AGMO: variants seen among roughly 807,000 people sequenced by gnomAD.
AGMO encodes the protein glyceryl-ether monooxygenase.
Under a neutral mutation model 60.2 loss-of-function variants are expected in AGMO, and 75 were observed. The observed-to-expected ratio is 1.25, with a 90% CI of 1.03 to 1.51. The LOEUF is 1.51. Ranked by LOEUF, AGMO falls within the 40% of genes most tolerant of loss-of-function variation. The pLI, the probability that AGMO is intolerant of heterozygous loss-of-function variation, is 0.00. For synonymous variants in AGMO, 261 were observed against 177.1 expected (o/e 1.47, Z -3.76); for missense variants, 763 against 525.5 (o/e 1.45, Z -4.42).
At position 15,323,477 on chromosome 7, in the gene AGMO, T is replaced by C. The variant is rs1008648154; in HGVS notation, c.1263+42037A>G. On this transcript the variant is annotated intron_variant, in intron 12 of 12. Transcript: ENST00000342526. ...CAGTGTATACAATAAATATGTCATATGGAGATGGTAGGAGGGATATTGTCA... is the reference window on the plus strand; with the variant it reads ...CAGTGTATACAATAAATATGTCATACGGAGATGGTAGGAGGGATATTGTCA... 5.3e-5 allele frequency among the ~76,000 whole-genome samples: 8 copies of C among 152,252 alleles called. No individual in the cohort carries two copies. In the East Asian group the frequency reaches 5.8e-4, roughly 11 times the overall value.
intron 12 of AGMO, among the ~76,000 whole-genome samples, chr7:15,300,386 T>C (rs1387902139): frequency 1.3e-5 from 2 of 152,294 alleles, no homozygotes; most frequent in East Asian, 1.9e-4. Flanking sequence ...CATCAAAGCA[T>C]ATTCTTAGGC....
intron 6 of AGMO, 22 bp from the exon 7 acceptor site, chr7:15,390,927 AT>A (rs748945578): frequency 4.0e-5 from 60 of 1,487,664 alleles, no homozygotes; most frequent in Non-Finnish European, 4.5e-5. Flanking sequence ...AATATTAGAA[AT>A]TTTTTTTCAG....
rs552974101 is a variant in AGMO at position 15,527,606 on chromosome 7, A to G, written c.409+17166T>C. On this transcript the variant is annotated intron_variant, in intron 3 of 12. Transcript: ENST00000342526. ...TTACCCAGAAGATCTAGCTAAGACC[A>G]TTCAAGGTGGCTGCACTAAACAATA... Among the ~76,000 whole-genome samples the G allele has an allele frequency of 7.2e-5, 11 of 152,364 alleles. No individual in the cohort carries two copies. The South Asian group carries it at 2.3e-3, about 32-fold the overall frequency.
intron 3 of AGMO, among the ~76,000 whole-genome samples, chr7:15,481,789 A>ATTTTTTTT (rs5882513): frequency 4.1e-5 from 4 of 98,692 alleles, no homozygotes; most frequent in Admixed American, 1.1e-4. Flanking sequence ...GACTAAATGT[A>ATTTTTTTT]TTTTTTTTTT....
At chr7:15,316,882 C>T (rs1780942603) in intron 12 of AGMO, among the ~76,000 whole-genome samples, 1 of 152,072 alleles carries the variant, frequency 6.6e-6, no homozygotes. Flanking sequence ...GACGTCATAA[C>T]CCACTCTGCC....
chr7:15,321,801 G>C (rs1011820874), intron 12 of AGMO, among the ~76,000 whole-genome samples: 3 of 151,914 alleles, frequency 2.0e-5, no homozygotes, highest in African/African-American at 7.3e-5. Context: ...AATATGGCTA[G>C]ATTGATTATT....
chr7:15,313,615 G>A (rs1780830154), intron 12 of AGMO, among the ~76,000 whole-genome samples: 1 of 152,036 alleles, frequency 6.6e-6, no homozygotes, highest in Non-Finnish European at 1.5e-5. Flanking sequence ...AAAGGAGAGA[G>A]ATAAGAGGAG....
intron 3 of AGMO, among the ~76,000 whole-genome samples, chr7:15,529,054 G>A (rs1433307262): frequency 6.6e-6 from 1 of 152,074 alleles, no homozygotes; most frequent in East Asian, 1.9e-4. Context: ...AAACCTTGTG[G>A]ATAAACATTG....
the AGMO span, among the ~76,000 whole-genome samples, chr7:15,119,858 T>C: frequency 0.46 from 69,756 of 151,548 alleles, 16,193 homozygotes; most frequent in South Asian, 0.55. Flanking sequence ...CCATCACGTA[T>C]CTTCCAACCT....
chr7:15,532,130 G>T (rs1784384714), intron 3 of AGMO, among the ~76,000 whole-genome samples: 4 of 152,172 alleles, frequency 2.6e-5, no homozygotes, highest in Admixed American at 2.6e-4. Context: ...TCCTAGTGTA[G>T]GTTAATGCTT....
intron 12 of AGMO, among the ~76,000 whole-genome samples, chr7:15,218,499 G>T (rs73054570): frequency 0.011 from 1,726 of 151,886 alleles, 13 homozygotes; most frequent in Non-Finnish European, 0.019. Flanking sequence ...AAAAGAATGT[G>T]GTTGAAGGGA....
intron 12 of AGMO, among the ~76,000 whole-genome samples, chr7:15,280,317 C>T (rs1223333916): frequency 1.3e-5 from 2 of 152,154 alleles, no homozygotes; most frequent in South Asian, 2.1e-4. Flanking sequence ...GGGCTTACTG[C>T]TGCCTGCTTA....
At chr7:15,191,558 A>G in the AGMO span, among the ~76,000 whole-genome samples, 1 of 152,158 alleles carries the variant, frequency 6.6e-6, no homozygotes, top group Non-Finnish European at 1.5e-5. Context: ...TTTGTCAGAT[A>G]TTTTTTATGT....
At chr7:15,128,371 G>T in the AGMO span, among the ~76,000 whole-genome samples, 2 of 152,030 alleles carry the variant, frequency 1.3e-5, no homozygotes, top group African/African-American at 4.8e-5. Flanking sequence ...TACAATAGAA[G>T]ATATGCTGGG....
At chr7:15,228,676 C>G (rs1782161258) in intron 12 of AGMO, among the ~76,000 whole-genome samples, 1 of 152,090 alleles carries the variant, frequency 6.6e-6, no homozygotes, top group Admixed American at 6.6e-5. Context: ...TATAAATGAT[C>G]ACTTAAAAAA....
intron 8 of AGMO, among the ~76,000 whole-genome samples, chr7:15,388,425 A>G (rs1231962482): frequency 2.0e-5 from 3 of 151,776 alleles, no homozygotes; most frequent in South Asian, 4.1e-4. Flanking sequence ...GGGCTTTGCA[A>G]TAATAATAAT....
chr7:15,354,459 C>CGCGTGTGTATAT (rs1782422175), intron 12 of AGMO, among the ~76,000 whole-genome samples: 3 of 16,850 alleles, frequency 1.8e-4, no homozygotes, highest in Admixed American at 6.5e-4. Context: ...TGTGTATACA[C>CGCGTGTGTATAT]ACGTGTGTGT....
chr7:15,525,576 C>A (rs901984762), intron 3 of AGMO, among the ~76,000 whole-genome samples: 1 of 152,064 alleles, frequency 6.6e-6, no homozygotes, highest in Admixed American at 6.6e-5. Context: ...AATTCTTCTC[C>A]GCCCTCTTCA....
chr7:15,374,459 A>G (rs1783364050), intron 10 of AGMO, among the ~76,000 whole-genome samples: 4 of 152,250 alleles, frequency 2.6e-5, no homozygotes, highest in Admixed American at 2.6e-4. Context: ...AATAAAAGCC[A>G]AAGATTACAT....
Sources: allele counts gnomAD v4.1 joint callset (sites outside exome capture counted in the v4.1 genomes callset), GRCh38; gene constraint gnomAD v4.1.1; transcripts MANE v1.5; gene names NCBI Gene and HGNC (gene_info 2026-07-23, HGNC 2026-07-21).